Variants in ARHGEF7 observed in about 807,000 individuals in gnomAD.
ARHGEF7 encodes the protein PAK-interacting exchange factor beta.
Under a neutral mutation model 109.8 loss-of-function variants are expected in ARHGEF7, and 33 were observed. That is an observed-to-expected ratio of 0.30 (90% CI 0.23 to 0.40). The LOEUF is 0.40. ARHGEF7 is among the 10% of genes least tolerant of loss of function. ARHGEF7 has a pLI of 1.00. For synonymous variants in ARHGEF7, 458 were observed against 424.6 expected, an observed-to-expected ratio of 1.08 and a Z score of -0.97; for missense variants, 938 against 1,098.5, an observed-to-expected ratio of 0.85 and a Z score of 2.07.
At chr13:111,219,015 T>C (rs555793894) in intron 5 of ARHGEF7, among the ~76,000 whole-genome samples, 129 of 152,348 alleles carry the variant, frequency 8.5e-4, no homozygotes, top group African/African-American at 3.0e-3. Context: ...ATTGTATGTA[T>C]ATGTATACAT....
chr13:111,187,080 C>G, intron 2 of ARHGEF7: 1 of 913,468 alleles, frequency 1.1e-6, no homozygotes, highest in Non-Finnish European at 1.3e-6. Context: ...TGGAATAGAG[C>G]TGGTCAGTGT....
chr13:111,240,034 A>T (rs2087491308), intron 6 of ARHGEF7, among the ~76,000 whole-genome samples: 1 of 152,198 alleles, frequency 6.6e-6, no homozygotes, highest in African/African-American at 2.4e-5. Flanking sequence ...CTCTTGAGTA[A>T]CCATTATAAC....
chr13:111,184,561 CCT>C (rs1464252652), intron 2 of ARHGEF7, among the ~76,000 whole-genome samples: 46 of 152,348 alleles, frequency 3.0e-4, no homozygotes, highest in East Asian at 1.2e-3. Flanking sequence ...CGGTCTGCCT[CCT>C]CTCTCACATT....
chr13:111,225,885 A>G (rs948925263), intron 5 of ARHGEF7, among the ~76,000 whole-genome samples: 5 of 152,342 alleles, frequency 3.3e-5, no homozygotes, highest in South Asian at 2.1e-4. Flanking sequence ...TAAGTGTTCA[A>G]ATGAAAGGAA....
chr13:111,196,894 C>T (rs2080572362), intron 2 of ARHGEF7, among the ~76,000 whole-genome samples: 1 of 152,044 alleles, frequency 6.6e-6, no homozygotes, highest in Non-Finnish European at 1.5e-5. Context: ...TTTATACTTC[C>T]CTCAGGTGGC....
At chr13:111,284,151 G>A (rs2092917062) in intron 16 of ARHGEF7, among the ~76,000 whole-genome samples, 1 of 152,068 alleles carries the variant, frequency 6.6e-6, no homozygotes, top group Non-Finnish European at 1.5e-5. Context: ...TGGGTATCGT[G>A]CGCGTCAGTG....
intron 2 of ARHGEF7, chr13:111,182,614 CTG>C (rs1450265749): frequency 6.6e-6 from 1 of 152,252 alleles, no homozygotes; most frequent in Non-Finnish European, 1.5e-5. Context: ...TGGCTGGGCT[CTG>C]ATAAACTTGG....
intron 3 of ARHGEF7, among the ~76,000 whole-genome samples, chr13:111,206,918 C>T (rs1039471044): frequency 2.8e-5 from 4 of 144,614 alleles, no homozygotes; most frequent in East Asian, 2.0e-4. Context: ...GCCGAGATCG[C>T]GCCACTGCAC....
intron 1 of ARHGEF7, among the ~76,000 whole-genome samples, chr13:111,117,691 T>C (rs1162706612): frequency 1.3e-5 from 2 of 151,086 alleles, no homozygotes; most frequent in Non-Finnish European, 1.5e-5. Context: ...CTTTCTTTCT[T>C]TCTCTCTCTC....
rs185057669 is a variant in ARHGEF7 at position 111,145,268 on chromosome 13, G to A, written c.166-8637G>A. On this transcript the variant is annotated intron_variant, in intron 1 of 21. Coordinates refer to ENST00000646102, the MANE Select transcript of ARHGEF7 (RefSeq NM_001354046.2). The surrounding 1 kb of genome is among the most constrained non-coding windows in gnomAD (Gnocchi z 4.3). ...ACATTGTGTTCTAATTTTAGATGCC[G>A]CCAGGAAGCTCTCCAGGTTAGGGCC... Among the ~76,000 whole-genome samples, 8 of 152,146 alleles carry A rather than the reference G, an allele frequency of 5.3e-5. No individual in the cohort carries two copies. Among genetic ancestry groups the A allele is most frequent in the African/African-American group, 1.9e-4 (8 of 41,492 alleles).
chr13:111,293,900 C>T (rs2093362546), intron 19 of ARHGEF7: 1 of 985,228 alleles, frequency 1.0e-6, no homozygotes, highest in Non-Finnish European at 1.2e-6. Context: ...CCAGAGCTGC[C>T]AGGGAGCTCC....
intron 2 of ARHGEF7, among the ~76,000 whole-genome samples, chr13:111,168,590 A>G (rs1447933556): frequency 3.3e-5 from 5 of 152,226 alleles, no homozygotes; most frequent in Non-Finnish European, 7.3e-5. Context: ...TAATGATTGA[A>G]AAGGGATATC....
chr13:111,219,027 T>C (rs1470929705), intron 5 of ARHGEF7, among the ~76,000 whole-genome samples: 1 of 152,216 alleles, frequency 6.6e-6, no homozygotes, highest in Admixed American at 6.5e-5. Flanking sequence ...TGTATACATA[T>C]ATGTAAAGCA....
At chr13:111,231,938 T>C (rs1298418311) in intron 5 of ARHGEF7, among the ~76,000 whole-genome samples, 1 of 152,140 alleles carries the variant, frequency 6.6e-6, no homozygotes, top group Non-Finnish European at 1.5e-5. Flanking sequence ...ACCTCTCCCT[T>C]TCCTTTGTCC....
Position 111,206,964 on chromosome 13 carries a change from AAAAAAAAAAAAG to A in ARHGEF7, c.337+1597_337+1608del, listed in dbSNP as rs1185667524. 6.9e-4 allele frequency among the ~76,000 whole-genome samples: 97 copies of A among 140,024 alleles called. 1 individual carries two copies. Among genetic ancestry groups the A allele is most frequent in the African/African-American group, 2.2e-3 (85 of 38,940 alleles). The allele number at this position is 140,024 out of a possible 152,430, so 91.9% of individuals were successfully genotyped here. A position where few individuals can be genotyped will look rare whatever the true frequency, so the allele number is the denominator to read the frequency against. ...GCGACAGAGCGAGACTCCATCTAAAAAAAAAAAAAAAGAAAAAGAAAAAAAAAGAAAATCACT... is the reference window on the plus strand; with the variant it reads ...GCGACAGAGCGAGACTCCATCTAAAAAAAAAGAAAAAAAAAGAAAATCACT... On this transcript the variant is annotated intron_variant, in intron 3 of 21. Transcript: ENST00000646102.
At position 111,138,313 on chromosome 13, in the gene ARHGEF7, C is replaced by CA. The variant is rs200917915; in HGVS notation, c.166-15584dup. Among the ~76,000 whole-genome samples, 442 of 150,730 alleles carry CA rather than the reference C, an allele frequency of 2.9e-3. 2 individuals carry two copies. The highest frequency in any genetic ancestry group is 9.7e-3 in the African/African-American group (397 of 41,034). On this transcript the variant is annotated intron_variant, in intron 1 of 21. Transcript: ENST00000646102. ...TGGCAACAAGAGCGAAACTCTGTCT[C>CA]AAAAAAAACAAAAAAAAATTAGCCG...
In ARHGEF7 at chr13:111,289,063, G is replaced by A. The variant is rs1303275723; in HGVS notation, c.2134+620G>A. 6.6e-5 allele frequency among the ~76,000 whole-genome samples: 10 copies of A among 151,558 alleles called. No individual in the cohort carries two copies. In the South Asian group the frequency reaches 1.3e-3, roughly 19 times the overall value. On this transcript the variant is annotated intron_variant, in intron 18 of 21. Coordinates refer to ENST00000646102, the MANE Select transcript of ARHGEF7 (RefSeq NM_001354046.2). ...TTTTTCTTTTTGGAGACGGAGTCTCGCTCTGTCACCCAGGCTGGAGTGCAG... is the reference window on the plus strand; with the variant it reads ...TTTTTCTTTTTGGAGACGGAGTCTCACTCTGTCACCCAGGCTGGAGTGCAG...
intron 13 of ARHGEF7, among the ~76,000 whole-genome samples, chr13:111,278,565 G>T (rs899856773): frequency 2.0e-5 from 3 of 152,172 alleles, no homozygotes; most frequent in Non-Finnish European, 4.4e-5. Context: ...ACCAACACAC[G>T]TGCTTTAGAA....
intron 19 of ARHGEF7, among the ~76,000 whole-genome samples, chr13:111,297,510 G>A (rs943895614): frequency 1.3e-5 from 2 of 152,172 alleles, no homozygotes; most frequent in Non-Finnish European, 2.9e-5. Flanking sequence ...GCTACATAAT[G>A]GAATGACTTT....
Sources: allele counts gnomAD v4.1 joint callset (sites outside exome capture counted in the v4.1 genomes callset), GRCh38; gene constraint gnomAD v4.1.1; non-coding constraint Gnocchi (gnomAD v3.1); transcripts MANE v1.5; gene names NCBI Gene and HGNC (gene_info 2026-07-23, HGNC 2026-07-21).